RPP14: variants seen among roughly 807,000 people sequenced by gnomAD.
RPP14 encodes ribonuclease P/MRP subunit p14, also known as ribonuclease P protein subunit p14.
Under a neutral mutation model 17.8 loss-of-function variants are expected in RPP14, and 19 were observed. The ratio of observed to expected loss-of-function variants is 1.07; its 90% CI spans 0.74 to 1.57. RPP14 has a LOEUF of 1.57. Ranked by LOEUF, RPP14 falls within the 40% of genes most tolerant of loss-of-function variation. The pLI, the probability that RPP14 is intolerant of heterozygous loss-of-function variation, is 0.00. For missense variants in RPP14, 125 were observed against 140.8 expected (o/e 0.89, Z 0.57); for synonymous variants, 60 against 56.4 (o/e 1.06, Z -0.29).
rs2097489828 is a variant in RPP14, at chr3:58,317,710, C to A, written c.*214C>A. 2 of 703,982 alleles carry A rather than the reference C, an allele frequency of 2.8e-6. No individual in the cohort carries two copies. Among genetic ancestry groups the A allele is most frequent in the African/African-American group, 3.5e-5 (2 of 57,272 alleles). 43.6% of individuals were successfully genotyped at this position (703,982 alleles called of 1,614,324 possible). On this transcript the variant is annotated 3_prime_UTR_variant, in exon 6 of 6. Transcript: ENST00000295959. ...AGTGCTGACCCTGCAGCACTTTCAG[C>A]ATATGCACATCAAAGTTGGAGACCG...
rs374493192 is a variant in RPP14 at position 58,309,341 on chromosome 3, T to A, written c.-21-968T>A. Among the ~76,000 whole-genome samples the A allele has an allele frequency of 2.8e-4, 42 of 152,370 alleles. No homozygotes were observed. In the South Asian group the frequency reaches 3.7e-3, roughly 14 times the overall value. On this transcript the variant is annotated intron_variant, in intron 1 of 5. Transcript: ENST00000295959. ...ATGTTACCTACGTTTACTAAACCTC[T>A]GTGTCATCTTCTCGAAAATGGGAAT...
At chr3:58,312,980 A>AAT (rs1376152832) in intron 3 of RPP14, among the ~76,000 whole-genome samples, 2 of 135,690 alleles carry the variant, frequency 1.5e-5, no homozygotes, top group African/African-American at 5.4e-5. Flanking sequence ...AAAAAAAAAA[A>AAT]GGGCTGGGCA....
intron 3 of RPP14, among the ~76,000 whole-genome samples, chr3:58,313,365 C>T (rs368406538): frequency 6.6e-6 from 1 of 152,192 alleles, no homozygotes; most frequent in African/African-American, 2.4e-5. Flanking sequence ...CATAGACCAG[C>T]ATTTTAAGCA....
chr3:58,315,112 C>G (rs1257460243), intron 3 of RPP14, among the ~76,000 whole-genome samples: 1 of 152,084 alleles, frequency 6.6e-6, no homozygotes, highest in Non-Finnish European at 1.5e-5. Context: ...TTCATAGCAG[C>G]TTTATTTTTA....
At position 58,310,309 on chromosome 3, in the gene RPP14, G is replaced by T; in HGVS notation, c.-21G>T. The T allele has an allele frequency of 6.2e-7, 1 of 1,610,344 alleles. No homozygotes were observed. Among genetic ancestry groups the T allele is most frequent in the Non-Finnish European group, 8.5e-7 (1 of 1,176,544 alleles). ...TTCTAGCCCTCTTGACTTACTGTAG[G>T]TGTGATCAGCACTGGAAAAGATGCC... On this transcript the variant is annotated splice_region_variant and 5_prime_UTR_variant, in exon 2 of 6. Transcript: ENST00000295959.
intron 4 of RPP14, 143 bp downstream of exon 4, chr3:58,316,734 C>A: frequency 1.1e-6 from 1 of 874,626 alleles, no homozygotes; most frequent in Non-Finnish European, 1.8e-6. Flanking sequence ...TGAATATGAA[C>A]ATTCATCCAC....
At chr3:58,311,304 G>C (rs150324744) in intron 3 of RPP14, among the ~76,000 whole-genome samples, 13 of 152,088 alleles carry the variant, frequency 8.5e-5, no homozygotes, top group Non-Finnish European at 1.6e-4. Flanking sequence ...ACAGGCACAC[G>C]CTACCATGCC....
intron 3 of RPP14, among the ~76,000 whole-genome samples, chr3:58,316,103 G>T (rs2097488034): frequency 6.6e-6 from 1 of 152,218 alleles, no homozygotes; most frequent in Non-Finnish European, 1.5e-5. Flanking sequence ...GGTTTATATA[G>T]CTGCAAACAA....
intron 3 of RPP14, among the ~76,000 whole-genome samples, chr3:58,314,153 C>A (rs2097485398): frequency 6.6e-6 from 1 of 152,004 alleles, no homozygotes; most frequent in Admixed American, 6.6e-5. Flanking sequence ...GAGTTTGAGA[C>A]CATCCTGGCC....
At chr3:58,309,995 T>G in intron 1 of RPP14, 1 of 231,596 alleles carries the variant, frequency 4.3e-6, no homozygotes, top group Non-Finnish European at 8.5e-6. Context: ...AGCCCAGGAG[T>G]TTGAAACCAG....
At position 58,314,928 on chromosome 3, in the gene RPP14, G is replaced by A. The variant is rs1056800002; in HGVS notation, c.163-1587G>A. Among the ~76,000 whole-genome samples, 4 of 151,982 alleles carry A rather than the reference G, an allele frequency of 2.6e-5. No individual in the cohort carries two copies. In the South Asian group the frequency reaches 6.2e-4, roughly 24 times the overall value. ...TCTCAATCTCTTGACCTTGTGATCC[G>A]CCTGCCTTGGCCTCCCAAAGTGCTG... is the stretch of plus-strand genomic sequence containing the variant. On this transcript the variant is annotated intron_variant, in intron 3 of 5. Coordinates refer to ENST00000295959, the MANE Select transcript of RPP14 (RefSeq NM_007042.6).
intron 3 of RPP14, among the ~76,000 whole-genome samples, chr3:58,316,036 T>A (rs1473791773): frequency 2.0e-5 from 3 of 152,064 alleles, no homozygotes; most frequent in Admixed American, 6.6e-5. Flanking sequence ...ATACAAAATT[T>A]TAAAAAAAAA....
intron 1 of RPP14, among the ~76,000 whole-genome samples, chr3:58,306,834 G>C (rs1223405576): frequency 6.6e-6 from 1 of 152,066 alleles, no homozygotes; most frequent in African/African-American, 2.4e-5. Context: ...AAGATTCTTG[G>C]AGTGGACTTT....
chr3:58,310,242 AT>A, intron 1 of RPP14, 66 bp from the exon 2 acceptor site: 1 of 1,323,388 alleles, frequency 7.6e-7, no homozygotes, highest in Middle Eastern at 1.8e-4. Context: ...AATAGGCCAA[AT>A]TCTCATCAAA....
intron 3 of RPP14, among the ~76,000 whole-genome samples, chr3:58,313,760 G>A (rs1055906347): frequency 6.6e-6 from 1 of 152,218 alleles, no homozygotes; most frequent in African/African-American, 2.4e-5. Context: ...AAGAGCTCAA[G>A]GTTGCAATGA....
At chr3:58,316,396 T>C in intron 3 of RPP14, 119 bp from the exon 4 acceptor site, 1 of 882,152 alleles carries the variant, frequency 1.1e-6, no homozygotes, top group Non-Finnish European at 1.8e-6. Flanking sequence ...CCAGCACCAT[T>C]AAATAAAATA....
chr3:58,318,622 C>CT lies in RPP14; in HGVS notation c.*1127dup, dbSNP rs1050254811. The CT allele has an allele frequency of 6.5e-6, 1 of 152,894 alleles. No homozygotes were observed. Among genetic ancestry groups the CT allele is most frequent in the African/African-American group, 2.4e-5 (1 of 41,210 alleles). The allele number at this position is 152,894 out of a possible 1,614,324, so 9.5% of individuals were successfully genotyped here. On this transcript the variant is annotated 3_prime_UTR_variant, in exon 6 of 6. Coordinates refer to ENST00000295959, the MANE Select transcript of RPP14 (RefSeq NM_007042.6). ...GAGAGCTGGAGGTTATGGTGAGAAA[C>CT]TGAGATTGCACCACTGCACTGTAGC... is the stretch of plus-strand genomic sequence containing the variant.
rs1456673508 is a variant in RPP14 at position 58,319,497 on chromosome 3, G to A, written c.*2001G>A. On this transcript the variant is annotated 3_prime_UTR_variant, in exon 6 of 6. Coordinates refer to ENST00000295959, the MANE Select transcript of RPP14 (RefSeq NM_007042.6). ...GAAGCTGACTGGCCCACAGTTAAAC[G>A]TAACAGACCAGTTTTTCAGGGTGTC... is the stretch of plus-strand genomic sequence containing the variant. 1.3e-5 allele frequency: 2 copies of A among 152,094 alleles called. No individual in the cohort carries two copies. Among genetic ancestry groups the A allele is most frequent in the African/African-American group, 4.8e-5 (2 of 41,424 alleles). The allele number at this position is 152,094 out of a possible 1,614,324, so 9.4% of individuals were successfully genotyped here.
rs1364032490 is a variant in RPP14, at chr3:58,319,697, T to C, written c.*2201T>C. ...TATGGAGGCCAAATTCTTAAGACTT[T>C]GGGGGCTGGGGTCAGGGAGGTTATA... is the stretch of plus-strand genomic sequence containing the variant. On this transcript the variant is annotated 3_prime_UTR_variant, in exon 6 of 6. Transcript: ENST00000295959. 6.6e-6 allele frequency: 1 copy of C among 152,058 alleles called. No individual in the cohort carries two copies. The highest frequency in any genetic ancestry group is 2.1e-4 in the South Asian group (1 of 4,830). The allele number at this position is 152,058 out of a possible 1,614,324, so 9.4% of individuals were successfully genotyped here.
Sources: allele counts gnomAD v4.1 joint callset (sites outside exome capture counted in the v4.1 genomes callset), GRCh38; gene constraint gnomAD v4.1.1; transcripts MANE v1.5; gene names NCBI Gene and HGNC (gene_info 2026-07-23, HGNC 2026-07-21).